Variants in DCC observed in about 807,000 individuals in gnomAD.
DCC encodes DCC netrin 1 receptor.
A neutral mutation model predicts 172.5 loss-of-function variants in DCC; 58 were observed. That is an observed-to-expected ratio of 0.34 (90% CI 0.27 to 0.42). The LOEUF is 0.42. Ranked by LOEUF, DCC falls within the 10% of genes least tolerant of loss-of-function variation. The pLI is 1.00. For missense variants in DCC, 1,740 were observed against 1,791.0 expected (o/e 0.97, Z 0.51); for synonymous variants, 709 against 644.5 (o/e 1.10, Z -1.52).
chr18:52,574,678 G>A (rs994504123), intron 1 of DCC, among the ~76,000 whole-genome samples: 1 of 152,112 alleles, frequency 6.6e-6, no homozygotes, highest in Non-Finnish European at 1.5e-5. Context: ...ATAGTTTTAG[G>A]CCATGAAAGT....
intron 1 of DCC, among the ~76,000 whole-genome samples, chr18:52,364,601 C>T (rs1229153895): frequency 6.6e-6 from 1 of 152,186 alleles, no homozygotes; most frequent in Non-Finnish European, 1.5e-5. Context: ...TCCGAAGATC[C>T]TCTAGCTTCC....
At chr18:53,484,684 C>G (rs1288435132) in intron 25 of DCC, among the ~76,000 whole-genome samples, 1 of 152,030 alleles carries the variant, frequency 6.6e-6, no homozygotes, top group Non-Finnish European at 1.5e-5. Context: ...ATGGAAGAGA[C>G]TATACCTTTT....
intron 12 of DCC, among the ~76,000 whole-genome samples, chr18:53,282,236 G>A (rs1478367340): frequency 3.3e-5 from 5 of 152,092 alleles, no homozygotes; most frequent in Non-Finnish European, 7.4e-5. Flanking sequence ...TGTGTTCCGT[G>A]GTTAGTAAAT....
At chr18:52,751,482 A>C (rs2036993417) in intron 1 of DCC, among the ~76,000 whole-genome samples, 1 of 152,344 alleles carries the variant, frequency 6.6e-6, no homozygotes, top group South Asian at 2.1e-4. Flanking sequence ...TTGTGATTTT[A>C]GGTAGTAGCT....
intron 12 of DCC, among the ~76,000 whole-genome samples, chr18:53,238,818 A>T (rs2056243267): frequency 6.6e-6 from 1 of 152,158 alleles, no homozygotes; most frequent in African/African-American, 2.4e-5. Context: ...TTCCTACATA[A>T]AGTGAACCCA....
intron 5 of DCC, among the ~76,000 whole-genome samples, chr18:52,979,254 G>A (rs1237293422): frequency 6.6e-6 from 1 of 152,172 alleles, no homozygotes; most frequent in African/African-American, 2.4e-5. Context: ...TTCCTATGAA[G>A]ACGGAGGAGA....
intron 1 of DCC, among the ~76,000 whole-genome samples, chr18:52,684,448 C>T (rs1568040159): frequency 6.6e-6 from 1 of 151,260 alleles, no homozygotes; most frequent in Non-Finnish European, 1.5e-5. Flanking sequence ...GGTAATGATA[C>T]AATTATATGT....
chr18:52,440,503 ACTT>A (rs1271106431), intron 1 of DCC, among the ~76,000 whole-genome samples: 1 of 152,198 alleles, frequency 6.6e-6, no homozygotes, highest in Non-Finnish European at 1.5e-5. Flanking sequence ...TAATGGTGCA[ACTT>A]CTTCTGCTCA....
rs142937053 is a variant in DCC at position 52,855,479 on chromosome 18, T to C, written c.413-50565T>C. ...ATGCCGTATTTTGTCGATAAGGACA[T>C]GACCGTGATGTGGTACAAAGACTAC... is the stretch of plus-strand genomic sequence containing the variant. On this transcript the variant is annotated intron_variant, in intron 2 of 28. Coordinates refer to ENST00000442544, the MANE Select transcript of DCC (RefSeq NM_005215.4). 3.9e-5 allele frequency among the ~76,000 whole-genome samples: 6 copies of C among 152,336 alleles called. No homozygotes were observed. The East Asian group carries it at 7.7e-4, about 20-fold the overall frequency.
At chr18:52,991,983 A>G (rs1324823102) in intron 5 of DCC, among the ~76,000 whole-genome samples, 2 of 152,236 alleles carry the variant, frequency 1.3e-5, no homozygotes, top group Non-Finnish European at 2.9e-5. Context: ...TGCTGTGAAA[A>G]TTAGCATTTG....
chr18:53,301,064 C>G lies in DCC; in HGVS notation c.1912-4514C>G, dbSNP rs1001263862. Among the ~76,000 whole-genome samples, 3 of 137,624 alleles carry G rather than the reference C, an allele frequency of 2.2e-5. No homozygotes were observed. In the Admixed American group the frequency reaches 2.2e-4, roughly 10 times the overall value. The allele number at this position is 137,624 out of a possible 152,430, so 90.3% of individuals were successfully genotyped here. A position where few individuals can be genotyped will look rare whatever the true frequency, so the allele number is the denominator to read the frequency against. Reference sequence around the variant, plus strand: ...TTCCTTTCCTTTCCTGTCCTTTCCTCTCCTTTCCTTCTTTCTTTCTTTCTT... The same window carrying G: ...TTCCTTTCCTTTCCTGTCCTTTCCTGTCCTTTCCTTCTTTCTTTCTTTCTT... On this transcript the variant is annotated intron_variant, in intron 12 of 28. Transcript: ENST00000442544.
chr18:52,601,268 A>G (rs1283550184), intron 1 of DCC, among the ~76,000 whole-genome samples: 1 of 151,926 alleles, frequency 6.6e-6, no homozygotes, highest in Non-Finnish European at 1.5e-5. Flanking sequence ...ATGTGTCTTT[A>G]TTATCTAGTT....
At chr18:53,406,148 T>C (rs541951061) in intron 19 of DCC, among the ~76,000 whole-genome samples, 23 of 152,320 alleles carry the variant, frequency 1.5e-4, no homozygotes, top group Admixed American at 1.2e-3. Flanking sequence ...CTTTCAGAGA[T>C]TGTTTCCTTA....
intron 15 of DCC, among the ~76,000 whole-genome samples, chr18:53,380,217 A>G (rs1385732532): frequency 6.6e-6 from 1 of 152,136 alleles, no homozygotes; most frequent in African/African-American, 2.4e-5. Flanking sequence ...CTGGTTTTAA[A>G]GTTTAAGAGC....
intron 1 of DCC, among the ~76,000 whole-genome samples, chr18:52,355,461 T>C (rs1295189301): frequency 6.6e-6 from 1 of 152,124 alleles, no homozygotes; most frequent in Admixed American, 6.5e-5. Flanking sequence ...TGATTCAGGG[T>C]CCTCATTTGT....
At chr18:53,013,920 A>G (rs927679811) in intron 5 of DCC, among the ~76,000 whole-genome samples, 6 of 152,278 alleles carry the variant, frequency 3.9e-5, no homozygotes, top group Middle Eastern at 3.4e-3. Context: ...AACGAACACA[A>G]CAATAACCAT....
At chr18:52,581,748 G>A (rs1423919896) in intron 1 of DCC, among the ~76,000 whole-genome samples, 1 of 152,086 alleles carries the variant, frequency 6.6e-6, no homozygotes, top group African/African-American at 2.4e-5. Context: ...AGACTAACAG[G>A]CTAGTGATTC....
intron 7 of DCC, among the ~76,000 whole-genome samples, chr18:53,146,597 CA>C (rs2043919825): frequency 6.6e-6 from 1 of 152,060 alleles, no homozygotes; most frequent in Non-Finnish European, 1.5e-5. Context: ...GGTAGAGGGA[CA>C]AAAACACTCA....
At chr18:52,674,087 A>G (rs2035605253) in intron 1 of DCC, among the ~76,000 whole-genome samples, 2 of 152,194 alleles carry the variant, frequency 1.3e-5, no homozygotes, top group Admixed American at 6.5e-5. Flanking sequence ...CATTGACCAA[A>G]GGAAGTCATG....
Sources: gnomAD v4.1 joint callset for allele counts (sites outside exome capture counted in the v4.1 genomes callset) on GRCh38, gnomAD v4.1.1 for gene constraint, MANE v1.5 for transcripts, NCBI Gene and HGNC (gene_info 2026-07-23, HGNC 2026-07-21) for gene names.